The following SLC24A2 variants were observed in gnomAD, a reference collection of about 807,000 sequenced individuals.
The protein encoded by SLC24A2 is solute carrier family 24 member 2, also known as sodium/potassium/calcium exchanger 2.
In SLC24A2, 36 loss-of-function variants were observed where a neutral mutation model predicts 62.0. The observed-to-expected ratio is 0.58, with a 90% CI of 0.44 to 0.77. The LOEUF (loss-of-function observed/expected upper bound fraction) is 0.77, where lower values mean the gene tolerates loss of function less well. Ranked by LOEUF, SLC24A2 falls within the 30% of genes least tolerant of loss-of-function variation. The probability of loss-of-function intolerance (pLI) is 0.00; values close to 1 mark genes in which losing one functional copy is unlikely to be tolerated. For missense variants in SLC24A2, 846 were observed against 817.9 expected (o/e 1.03, Z -0.42); for synonymous variants, 358 against 294.0 (o/e 1.22, Z -2.23).
the SLC24A2 span, among the ~76,000 whole-genome samples, chr9:20,004,348 C>T: frequency 1.3e-5 from 2 of 152,156 alleles, no homozygotes; most frequent in Non-Finnish European, 2.9e-5. Context: ...GTTGGTCAGG[C>T]TTTTCCAGGG....
chr9:19,762,073 G>A (rs553928589), intron 2 of SLC24A2, among the ~76,000 whole-genome samples: 3 of 152,256 alleles, frequency 2.0e-5, no homozygotes, highest in Admixed American at 6.5e-5. Context: ...TTCCACAATG[G>A]TTGAACTAGT....
At chr9:19,726,747 A>C (rs984435127) in intron 2 of SLC24A2, among the ~76,000 whole-genome samples, 3 of 152,224 alleles carry the variant, frequency 2.0e-5, no homozygotes, top group Non-Finnish European at 4.4e-5. Context: ...ATTCATTTGC[A>C]GTTTACCAAC....
the SLC24A2 span, among the ~76,000 whole-genome samples, chr9:20,101,520 T>C: frequency 1.2e-4 from 19 of 152,332 alleles, no homozygotes; most frequent in East Asian, 3.7e-3. Flanking sequence ...ATTGTTCTTG[T>C]AGAATAGTAT....
the SLC24A2 span, among the ~76,000 whole-genome samples, chr9:20,241,021 A>T: frequency 2.0e-5 from 3 of 151,988 alleles, no homozygotes; most frequent in Non-Finnish European, 2.9e-5. Flanking sequence ...CCTCAGATCC[A>T]CTCTCCTCCT....
At chr9:19,904,018 A>G in the SLC24A2 span, among the ~76,000 whole-genome samples, 1 of 152,240 alleles carries the variant, frequency 6.6e-6, no homozygotes, top group Admixed American at 6.5e-5. Flanking sequence ...TCACCTCAGC[A>G]GGTCTAATGG....
chr9:19,940,384 G>A, the SLC24A2 span, among the ~76,000 whole-genome samples: 2 of 152,162 alleles, frequency 1.3e-5, no homozygotes, highest in Non-Finnish European at 2.9e-5. Context: ...AAGCCTTACT[G>A]TACTTCATAC....
chr9:20,103,346 G>A, the SLC24A2 span, among the ~76,000 whole-genome samples: 1 of 152,180 alleles, frequency 6.6e-6, no homozygotes, highest in Non-Finnish European at 1.5e-5. Context: ...AAGAGAGCAT[G>A]GTTCTCCCAG....
the SLC24A2 span, among the ~76,000 whole-genome samples, chr9:20,290,406 G>T: frequency 1.3e-5 from 2 of 152,170 alleles, no homozygotes; most frequent in Non-Finnish European, 1.5e-5. Flanking sequence ...ATCTCATCTT[G>T]CCTGTAATCT....
At chr9:20,290,817 G>A in the SLC24A2 span, among the ~76,000 whole-genome samples, 3 of 152,232 alleles carry the variant, frequency 2.0e-5, no homozygotes, top group Non-Finnish European at 4.4e-5. Context: ...GGGTTCTTCT[G>A]GGCAAGGGAT....
the SLC24A2 span, among the ~76,000 whole-genome samples, chr9:19,991,929 G>C: frequency 1.3e-4 from 20 of 152,170 alleles, no homozygotes; most frequent in Admixed American, 1.3e-3. Flanking sequence ...CCAGGTAAAA[G>C]CAACAGGACT....
chr9:19,512,362 C>A lies in SLC24A2; in HGVS notation c.*3791G>T, dbSNP rs919631830. 1 of 152,228 alleles carries A rather than the reference C, an allele frequency of 6.6e-6. No homozygotes were observed. The highest frequency in any genetic ancestry group is 6.5e-5 in the Admixed American group (1 of 15,286). The allele number at this position is 152,228 out of a possible 1,614,324, so 9.4% of individuals were successfully genotyped here. ...TTCCTGAATATAAAACAGTCTCCGC[C>A]TCTTTTTATAATCTTCTGGGCAAGG... On this transcript the variant is annotated 3_prime_UTR_variant, in exon 11 of 11. Coordinates refer to ENST00000341998, the MANE Select transcript of SLC24A2 (RefSeq NM_020344.4).
At chr9:20,197,585 C>G in the SLC24A2 span, among the ~76,000 whole-genome samples, 1 of 152,040 alleles carries the variant, frequency 6.6e-6, no homozygotes, top group African/African-American at 2.4e-5. Flanking sequence ...GCATGCACCA[C>G]CATGCCCAGC....
the SLC24A2 span, among the ~76,000 whole-genome samples, chr9:19,863,817 G>C: frequency 6.6e-6 from 1 of 151,258 alleles, no homozygotes; most frequent in Non-Finnish European, 1.5e-5. Context: ...CCCAAAATTA[G>C]TAGAATAAAA....
chr9:19,908,733 G>A, the SLC24A2 span, among the ~76,000 whole-genome samples: 2 of 152,206 alleles, frequency 1.3e-5, no homozygotes, highest in African/African-American at 4.8e-5. Context: ...ATGAAAAAAT[G>A]CTTATCATCA....
intron 7 of SLC24A2, among the ~76,000 whole-genome samples, chr9:19,561,288 C>G (rs970966921): frequency 1.8e-4 from 28 of 151,832 alleles, no homozygotes; most frequent in Non-Finnish European, 8.8e-5. Flanking sequence ...CTCTACTTTC[C>G]TATCACTTAC....
intron 2 of SLC24A2, among the ~76,000 whole-genome samples, chr9:19,679,943 T>C (rs947061625): frequency 1.3e-5 from 2 of 151,770 alleles, no homozygotes; most frequent in Non-Finnish European, 2.9e-5. Context: ...CCTAACCACA[T>C]AAATGGTTGC....
intron 3 of SLC24A2, among the ~76,000 whole-genome samples, chr9:19,620,115 A>C (rs1817873636): frequency 1.3e-5 from 2 of 152,324 alleles, no homozygotes; most frequent in African/African-American, 2.4e-5. Context: ...TGCTTTTCTC[A>C]ATGACTATTC....
chr9:19,567,645 A>T (rs986121434), intron 7 of SLC24A2, among the ~76,000 whole-genome samples: 4 of 151,206 alleles, frequency 2.6e-5, no homozygotes, highest in Admixed American at 6.6e-5. Context: ...TAATTTATAT[A>T]CCATAAACCA....
the SLC24A2 span, among the ~76,000 whole-genome samples, chr9:20,226,556 G>C: frequency 1.3e-5 from 2 of 152,126 alleles, no homozygotes; most frequent in Non-Finnish European, 2.9e-5. Flanking sequence ...GGCCAGAGAT[G>C]AATTGTGTGC....
Sources: gnomAD v4.1 joint callset for allele counts (sites outside exome capture counted in the v4.1 genomes callset) on GRCh38, gnomAD v4.1.1 for gene constraint, MANE v1.5 for transcripts, NCBI Gene and HGNC (gene_info 2026-07-23, HGNC 2026-07-21) for gene names.